KCTD9: variants seen among roughly 807,000 people sequenced by gnomAD.
KCTD9 encodes the protein potassium channel tetramerization domain containing 9.
In KCTD9, 17 loss-of-function variants were observed where a neutral mutation model predicts 53.3. The observed-to-expected ratio is 0.32, with a 90% CI of 0.22 to 0.48. The LOEUF (loss-of-function observed/expected upper bound fraction) is 0.48. KCTD9 is among the 20% of genes least tolerant of loss of function. KCTD9 has a pLI of 0.99. For synonymous variants in KCTD9, 128 were observed against 162.7 expected (o/e 0.79, Z 1.62); for missense variants, 179 against 465.5 (o/e 0.38, Z 5.66).
chr8:25,430,548 G>A (rs550880871), intron 11 of KCTD9, among the ~76,000 whole-genome samples: 154 of 152,224 alleles, frequency 1.0e-3, no homozygotes, highest in Non-Finnish European at 1.5e-3. Context: ...CCCCAGATGG[G>A]ACTGTCTAGT....
intron 10 of KCTD9, 123 bp downstream of exon 10, chr8:25,433,207 G>A (rs1801960504): frequency 2.2e-6 from 1 of 452,010 alleles, no homozygotes; most frequent in African/African-American, 2.0e-5. Flanking sequence ...CTCCAAATAT[G>A]ATGACAGAAG....
At chr8:25,454,539 A>G (rs929766092) in intron 1 of KCTD9, among the ~76,000 whole-genome samples, 1 of 152,218 alleles carries the variant, frequency 6.6e-6, no homozygotes, top group Non-Finnish European at 1.5e-5. Context: ...CTTAATGCCA[A>G]CTCTTACAGG....
chr8:25,437,283 T>C (rs915806368), intron 6 of KCTD9, among the ~76,000 whole-genome samples: 4 of 152,178 alleles, frequency 2.6e-5, no homozygotes, highest in African/African-American at 9.7e-5. Flanking sequence ...CGCTCTCAAT[T>C]TGCCAAGGTC....
At chr8:25,445,255 C>G (rs1188301461) in intron 2 of KCTD9, among the ~76,000 whole-genome samples, 2 of 152,160 alleles carry the variant, frequency 1.3e-5, no homozygotes, top group Non-Finnish European at 2.9e-5. Flanking sequence ...CAAAACCCAA[C>G]TAGCTGTATG....
chr8:25,437,384 T>C (rs961154393), intron 6 of KCTD9, among the ~76,000 whole-genome samples: 10 of 151,908 alleles, frequency 6.6e-5, no homozygotes, highest in African/African-American at 9.7e-5. Flanking sequence ...AGAGAAGCCA[T>C]AGAAATACAA....
At chr8:25,446,941 T>C (rs531559815) in intron 1 of KCTD9, among the ~76,000 whole-genome samples, 1 of 152,282 alleles carries the variant, frequency 6.6e-6, no homozygotes, top group South Asian at 2.1e-4. Flanking sequence ...AGCAGTCTGA[T>C]ATATGTGCAA....
intron 2 of KCTD9, among the ~76,000 whole-genome samples, chr8:25,445,411 G>A (rs10503770): frequency 0.41 from 61,803 of 151,798 alleles, 13,040 homozygotes; most frequent in African/African-American, 0.53. Context: ...TATCATTATA[G>A]GTTAAAGCAT....
intron 1 of KCTD9, among the ~76,000 whole-genome samples, chr8:25,454,423 T>TA (rs532715205): frequency 2.0e-4 from 30 of 149,988 alleles, no homozygotes; most frequent in Admixed American, 1.1e-3. Flanking sequence ...TATTCTGAAG[T>TA]AAAAAAAGCA....
chr8:25,458,121 C>T, intron 1 of KCTD9, 78 bp downstream of exon 1: 1 of 1,404,806 alleles, frequency 7.1e-7, no homozygotes, highest in Non-Finnish European at 9.8e-7. Flanking sequence ...AACTTCACCG[C>T]TGCCCCGCCA....
At chr8:25,446,545 G>A (rs1183419791) in intron 1 of KCTD9, among the ~76,000 whole-genome samples, 1 of 152,192 alleles carries the variant, frequency 6.6e-6, no homozygotes, top group African/African-American at 2.4e-5. Flanking sequence ...CTTCGATCTA[G>A]AGTCTGACAT....
chr8:25,436,839 A>G (rs1802026510), intron 6 of KCTD9, among the ~76,000 whole-genome samples: 1 of 152,238 alleles, frequency 6.6e-6, no homozygotes, highest in South Asian at 2.1e-4. Flanking sequence ...ATATTTACTT[A>G]TTCTAATCTG....
Position 25,432,540 on chromosome 8 carries a change from G to A in KCTD9, c.1017C>T (p.Asn339=), listed in dbSNP as rs1801949787. 3 of 1,612,798 alleles carry A rather than the reference G, an allele frequency of 1.9e-6. No homozygotes were observed. The highest frequency in any genetic ancestry group is 2.5e-6 in the Non-Finnish European group (3 of 1,179,794). Residue 339 remains asparagine, a synonymous_variant, in exon 11 of 12, where the codon AAC becomes AAT. Coordinates refer to ENST00000221200, the MANE Select transcript of KCTD9 (RefSeq NM_017634.4). ...TTCCTGCCAGAGTTGCTCCTCTGAG[G>A]TTACAGTTCTTCAACTTTGCATTTT... ...TLKNAKLKNC[N]LRGATLAGTD...
rs1349677900 is a variant in KCTD9 at position 25,429,411 on chromosome 8, A to G, written c.*446T>C. On this transcript the variant is annotated 3_prime_UTR_variant, in exon 12 of 12. Transcript: ENST00000221200. Reference sequence around the variant, plus strand: ...CCTGAACAACCTTTTCCAAGTTTTCATAAAGTTTTAACAATTTAAATATCC... The same window carrying G: ...CCTGAACAACCTTTTCCAAGTTTTCGTAAAGTTTTAACAATTTAAATATCC... The G allele has an allele frequency of 1.3e-5, 2 of 154,402 alleles. No homozygotes were observed. The highest frequency in any genetic ancestry group is 3.8e-4 in the East Asian group (2 of 5,234). 9.6% of individuals were successfully genotyped at this position (154,402 alleles called of 1,614,324 possible).
intron 10 of KCTD9, among the ~76,000 whole-genome samples, chr8:25,433,056 C>G (rs796294126): frequency 2.1e-4 from 32 of 152,102 alleles, no homozygotes; most frequent in African/African-American, 6.8e-4. Flanking sequence ...TATTTTATTC[C>G]ATTTGAAAGT....
chr8:25,443,569 G>T (rs985728748), intron 3 of KCTD9, among the ~76,000 whole-genome samples: 1 of 152,158 alleles, frequency 6.6e-6, no homozygotes, highest in Non-Finnish European at 1.5e-5. Flanking sequence ...ATGGATAAAA[G>T]AAGATGAGAA....
chr8:25,436,635 T>C (rs532213922), intron 6 of KCTD9, 150 bp from the exon 7 acceptor site: 7 of 516,494 alleles, frequency 1.4e-5, no homozygotes, highest in African/African-American at 1.2e-4. Flanking sequence ...GCCACAAGTA[T>C]CTTTTACATA....
At chr8:25,455,140 G>A (rs1391514352) in intron 1 of KCTD9, among the ~76,000 whole-genome samples, 4 of 152,006 alleles carry the variant, frequency 2.6e-5, no homozygotes, top group Non-Finnish European at 5.9e-5. Flanking sequence ...TAGGAGAATC[G>A]CTTGAACCTG....
intron 9 of KCTD9, among the ~76,000 whole-genome samples, chr8:25,434,353 A>G (rs1003924422): frequency 5.3e-5 from 8 of 152,254 alleles, no homozygotes; most frequent in African/African-American, 1.7e-4. Flanking sequence ...CTGCTCCCCA[A>G]AGTGCTGGGT....
intron 1 of KCTD9, among the ~76,000 whole-genome samples, chr8:25,448,229 T>C (rs1003854148): frequency 2.0e-5 from 3 of 152,120 alleles, no homozygotes; most frequent in African/African-American, 4.8e-5. Context: ...TTCTGACACA[T>C]GCTGCAACAT....
Sources: allele counts gnomAD v4.1 joint callset (sites outside exome capture counted in the v4.1 genomes callset), GRCh38; gene constraint gnomAD v4.1.1; transcripts MANE v1.5; gene names NCBI Gene and HGNC (gene_info 2026-07-23, HGNC 2026-07-21).